Variants in NRP2 observed in about 807,000 individuals in gnomAD.
NRP2 encodes the protein neuropilin 2, also known as neuropilin-2.
A neutral mutation model predicts 110.4 loss-of-function variants in NRP2; 52 were observed. The observed-to-expected ratio is 0.47, with a 90% CI of 0.38 to 0.59. The LOEUF (loss-of-function observed/expected upper bound fraction) is 0.59. NRP2 is among the 20% of genes least tolerant of loss of function. The pLI is 0.00. For missense variants in NRP2, 1,049 were observed against 1,203.0 expected, an observed-to-expected ratio of 0.87 and a Z score of 1.89; for synonymous variants, 508 against 468.9, an observed-to-expected ratio of 1.08 and a Z score of -1.08.
Position 205,794,991 on chromosome 2 carries a change from T to G in NRP2, c.2714T>G (p.Phe905Cys). 1 of 1,614,128 alleles carries G rather than the reference T, an allele frequency of 6.2e-7. No individual in the cohort carries two copies. The highest frequency in any genetic ancestry group is 8.5e-7 in the Non-Finnish European group (1 of 1,180,020). The change falls in exon 17 of 17, where the codon TTC (phenylalanine) becomes TGC (cysteine). Residue 905 changes from phenylalanine to cysteine, a missense_variant. Coordinates refer to ENST00000357785, the MANE Select transcript of NRP2 (RefSeq NM_003872.3). ...RSCTTLENYN[F>C]ELYDGLKHKV... ...TGCACCACACTGGAGAACTACAACT[T>G]CGAGCTCTACGATGGCCTTAAGCAC...
At chr2:205,789,271 G>C (rs1310296068) in intron 15 of NRP2, among the ~76,000 whole-genome samples, 3 of 152,222 alleles carry the variant, frequency 2.0e-5, no homozygotes, top group African/African-American at 7.2e-5. Context: ...TTTGTAGTCA[G>C]GCTGACCTGA....
In NRP2 at chr2:205,757,395, G is replaced by A. The variant is rs77436153; in HGVS notation, c.2044+4420G>A. Reference sequence around the variant, plus strand: ...CAGACTGAGCCATTGAATGAATTCCGTTAGAGTGGGAGACCTTAGCCATGA... The same window carrying A: ...CAGACTGAGCCATTGAATGAATTCCATTAGAGTGGGAGACCTTAGCCATGA... On this transcript the variant is annotated intron_variant, in intron 12 of 16. Coordinates refer to ENST00000357785, the MANE Select transcript of NRP2 (RefSeq NM_003872.3). Among the ~76,000 whole-genome samples, 867 of 152,196 alleles carry A rather than the reference G, an allele frequency of 5.7e-3. 17 individuals are homozygous for A. The highest frequency in any genetic ancestry group is 0.019 in the African/African-American group (797 of 41,526).
chr2:205,748,858 T>C (rs1021586146), intron 10 of NRP2, among the ~76,000 whole-genome samples: 6 of 152,198 alleles, frequency 3.9e-5, no homozygotes, highest in African/African-American at 1.4e-4. Context: ...AGTTGCTGAA[T>C]GAATGACGGG....
chr2:205,685,995 T>C (rs948702383), intron 1 of NRP2, among the ~76,000 whole-genome samples: 2 of 152,064 alleles, frequency 1.3e-5, no homozygotes, highest in Admixed American at 1.3e-4. Context: ...GCCATCCACG[T>C]GGTGGGGACG....
chr2:205,711,120 C>T (rs540518365), intron 2 of NRP2, among the ~76,000 whole-genome samples: 6 of 152,306 alleles, frequency 3.9e-5, no homozygotes, highest in East Asian at 1.9e-4. Context: ...TCAAACTCCA[C>T]GGAAAGCATC....
chr2:205,692,875 T>A, intron 1 of NRP2, among the ~76,000 whole-genome samples: 1 of 152,236 alleles, frequency 6.6e-6, no homozygotes, highest in Admixed American at 6.5e-5. Flanking sequence ...GCACTGGAAC[T>A]GACCTTTAGA....
chr2:205,793,911 T>C (rs1440878384), intron 16 of NRP2, among the ~76,000 whole-genome samples: 3 of 152,122 alleles, frequency 2.0e-5, no homozygotes, highest in African/African-American at 7.2e-5. Context: ...AAAAATCTGC[T>C]GCTTATATGG....
chr2:205,728,117 G>C, intron 7 of NRP2, 71 bp downstream of exon 7: 1 of 1,570,700 alleles, frequency 6.4e-7, no homozygotes. Flanking sequence ...GGAGCTTTAA[G>C]CCGACCTCCT....
chr2:205,716,447 T>C, intron 3 of NRP2, 73 bp downstream of exon 3: 1 of 1,491,094 alleles, frequency 6.7e-7, no homozygotes, highest in Non-Finnish European at 9.3e-7. Context: ...CCCAGTGGGC[T>C]GAGGCACTGG....
intron 12 of NRP2, chr2:205,756,362 G>C (rs932700752): frequency 6.6e-6 from 1 of 152,060 alleles, no homozygotes; most frequent in Admixed American, 6.6e-5. Context: ...ACATTCTCAG[G>C]TGCTTTGAAC....
chr2:205,702,153 G>A (rs73983225), intron 2 of NRP2, among the ~76,000 whole-genome samples: 2,904 of 152,352 alleles, frequency 0.019, 108 homozygotes, highest in African/African-American at 0.066. Context: ...GGGACAGTTT[G>A]GGACTATTTT....
rs1372341549 is a variant in NRP2 at position 205,795,363 on chromosome 2, A to AT, written c.*307dup. On this transcript the variant is annotated 3_prime_UTR_variant, in exon 17 of 17. Coordinates refer to ENST00000357785, the MANE Select transcript of NRP2 (RefSeq NM_003872.3). ...AGTTCTATTTTGTTTGTGAGTTTGT[A>AT]TTATTATTATTATTATTATTATTAT... The AT allele has an allele frequency of 1.0e-5, 1 of 99,270 alleles. No individual in the cohort carries two copies. The highest frequency in any genetic ancestry group is 1.9e-5 in the Non-Finnish European group (1 of 51,890). The allele number at this position is 99,270 out of a possible 1,614,324, so 6.1% of individuals were successfully genotyped here.
chr2:205,704,371 A>G (rs1324955779), intron 2 of NRP2, among the ~76,000 whole-genome samples: 5 of 152,160 alleles, frequency 3.3e-5, no homozygotes, highest in African/African-American at 9.7e-5. Flanking sequence ...TGGCTTGATC[A>G]CTCACGACAC....
At chr2:205,724,018 C>T in intron 5 of NRP2, 78 bp downstream of exon 5, 2 of 1,523,058 alleles carry the variant, frequency 1.3e-6, no homozygotes, top group Non-Finnish European at 9.1e-7. Context: ...GGGGGCTGAG[C>T]TCTTATGAGG....
At chr2:205,698,147 C>T (rs527745330) in intron 2 of NRP2, among the ~76,000 whole-genome samples, 1 of 151,630 alleles carries the variant, frequency 6.6e-6, no homozygotes, top group South Asian at 2.1e-4. Flanking sequence ...AGACTTCCCT[C>T]GCATCCAGCC....
intron 15 of NRP2, among the ~76,000 whole-genome samples, chr2:205,786,633 G>C (rs1474862263): frequency 2.0e-5 from 3 of 152,206 alleles, no homozygotes. Flanking sequence ...GTGTGTAAGA[G>C]GCTCTTCGAT....
Position 205,752,981 on chromosome 2 carries a change from C to T in NRP2, c.2044+6C>T, listed in dbSNP as rs1358538053. ...AAACGACCGGACGTTTCCAGGTAAG[C>T]CAGCTGTGAGTGAAGATATGAAAGA... is the stretch of plus-strand genomic sequence containing the variant. On this transcript the variant is annotated splice_donor_region_variant and intron_variant, in intron 12 of 16. Coordinates refer to ENST00000357785, the MANE Select transcript of NRP2 (RefSeq NM_003872.3). 1.2e-6 allele frequency: 2 copies of T among 1,612,974 alleles called. No individual in the cohort carries two copies. Among genetic ancestry groups the T allele is most frequent in the Non-Finnish European group, 1.7e-6 (2 of 1,179,982 alleles).
chr2:205,782,126 C>G (rs571477065), intron 15 of NRP2, among the ~76,000 whole-genome samples: 1 of 152,154 alleles, frequency 6.6e-6, no homozygotes, highest in South Asian at 2.1e-4. Context: ...ACAACCAAGC[C>G]GAAGCCATTC....
intron 6 of NRP2, 114 bp from the exon 7 acceptor site, chr2:205,727,777 G>C (rs780799662): frequency 2.0e-6 from 2 of 1,023,856 alleles, no homozygotes; most frequent in Non-Finnish European, 2.8e-6. Context: ...ATGTCTCAGT[G>C]AATCACAGAT....
Sources: gnomAD v4.1 joint callset for allele counts (sites outside exome capture counted in the v4.1 genomes callset) on GRCh38, gnomAD v4.1.1 for gene constraint, MANE v1.5 for transcripts, NCBI Gene and HGNC (gene_info 2026-07-23, HGNC 2026-07-21) for gene names.